Variants in TMEM178B observed in about 807,000 individuals in gnomAD.
TMEM178B encodes the protein transmembrane protein 178B.
TMEM178B carries 5 observed loss-of-function variants against 31.0 expected under a neutral mutation model. The observed-to-expected ratio is 0.16, with a 90% CI of 0.08 to 0.34. TMEM178B has a LOEUF of 0.34. Among genes scored for constraint, TMEM178B ranks in the 10% least tolerant of loss-of-function variants. TMEM178B has a pLI of 1.00. For missense variants in TMEM178B, 275 were observed against 400.3 expected (o/e 0.69, Z 2.67); for synonymous variants, 164 against 164.0 (o/e 1.00, Z 0.00).
chr7:141,393,943 C>T (rs1251891520), intron 2 of TMEM178B, among the ~76,000 whole-genome samples: 2 of 151,952 alleles, frequency 1.3e-5, no homozygotes, highest in African/African-American at 4.8e-5. Flanking sequence ...GGGACAGCTT[C>T]ATTCTTTGAT....
At chr7:141,100,619 A>G (rs184521879) in intron 1 of TMEM178B, among the ~76,000 whole-genome samples, 30 of 152,338 alleles carry the variant, frequency 2.0e-4, no homozygotes, top group Middle Eastern at 3.4e-3. Context: ...ATAGAAAGGC[A>G]TGCTTCATCA....
At chr7:141,481,910 G>A (rs1361761461), downstream of TMEM178B, among the ~76,000 whole-genome samples, 1 of 152,080 alleles carries the variant, frequency 6.6e-6, no homozygotes, top group Non-Finnish European at 1.5e-5. Context: ...GTAGGATGGG[G>A]AAGACGTTCT....
intron 2 of TMEM178B, among the ~76,000 whole-genome samples, chr7:141,296,607 G>C (rs217028): frequency 0.92 from 140,114 of 152,258 alleles, 64,483 homozygotes; most frequent in East Asian, 1. Context: ...GAGACCTAGG[G>C]TTCTGGCAGA....
At chr7:141,223,768 A>G (rs1454764661) in intron 2 of TMEM178B, among the ~76,000 whole-genome samples, 5 of 151,976 alleles carry the variant, frequency 3.3e-5, no homozygotes, top group African/African-American at 7.3e-5. Context: ...TTACAATTCA[A>G]CGTTCCAATC....
intron 1 of TMEM178B, among the ~76,000 whole-genome samples, chr7:141,175,994 G>A (rs1796427124): frequency 6.6e-6 from 1 of 152,160 alleles, no homozygotes; most frequent in South Asian, 2.1e-4. Flanking sequence ...CTAATACTAT[G>A]TTGAATAGGA....
the TMEM178B span, among the ~76,000 whole-genome samples, chr7:141,509,404 C>A: frequency 6.6e-6 from 1 of 152,150 alleles, no homozygotes; most frequent in Non-Finnish European, 1.5e-5. Flanking sequence ...AATCCCAGCA[C>A]TTTGGGAGGC....
chr7:141,089,765 A>G (rs984887231), intron 1 of TMEM178B, among the ~76,000 whole-genome samples: 2 of 152,154 alleles, frequency 1.3e-5, no homozygotes, highest in African/African-American at 4.8e-5. Flanking sequence ...CAAGGACAAA[A>G]AACCAAACAC....
At chr7:141,294,728 C>T (rs1364584520) in intron 2 of TMEM178B, among the ~76,000 whole-genome samples, 1 of 152,140 alleles carries the variant, frequency 6.6e-6, no homozygotes, top group African/African-American at 2.4e-5. Context: ...AGACCAGACT[C>T]CTTGAGAGAA....
chr7:141,424,004 G>A lies in TMEM178B; in HGVS notation c.497-13604G>A, dbSNP rs570864813. ...TTTTTTTTTTTGTATTTTTAGTAAAGATGTGGTTTCACCATGTTGGTCAGG... is the reference window on the plus strand; with the variant it reads ...TTTTTTTTTTTGTATTTTTAGTAAAAATGTGGTTTCACCATGTTGGTCAGG... On this transcript the variant is annotated intron_variant, in intron 2 of 3. Coordinates refer to ENST00000565468, the MANE Select transcript of TMEM178B (RefSeq NM_001195278.2). 4.0e-5 allele frequency among the ~76,000 whole-genome samples: 6 copies of A among 149,960 alleles called. No individual in the cohort carries two copies. The South Asian group carries it at 6.4e-4, about 16-fold the overall frequency.
At position 141,432,265 on chromosome 7, in the gene TMEM178B, C is replaced by T. The variant is rs1007490107; in HGVS notation, c.497-5343C>T. On this transcript the variant is annotated intron_variant, in intron 2 of 3. Transcript: ENST00000565468. The stretch of plus-strand genomic sequence containing the variant: ...CACCTCCTGGGTTCAAGCAATTCTC[C>T]CTGCCTCAGCCTCCCGAGTAGCTAT... 3.3e-5 allele frequency among the ~76,000 whole-genome samples: 5 copies of T among 149,888 alleles called. No individual in the cohort carries two copies. In the South Asian group the frequency reaches 1.1e-3, roughly 32 times the overall value.
chr7:141,488,967 GGGA>G, the TMEM178B span, among the ~76,000 whole-genome samples: 1,736 of 151,690 alleles, frequency 0.011, 24 homozygotes, highest in African/African-American at 0.037. Flanking sequence ...AGAAGGAGGA[GGGA>G]GGAGGAGGAG....
At chr7:141,507,222 C>G in the TMEM178B span, among the ~76,000 whole-genome samples, 1 of 152,208 alleles carries the variant, frequency 6.6e-6, no homozygotes, top group East Asian at 1.9e-4. Flanking sequence ...GGTGGTACCC[C>G]AGTAGCAACT....
Position 141,165,046 on chromosome 7 carries a change from G to A in TMEM178B, c.383-47545G>A, listed in dbSNP as rs889224259. 9.9e-5 allele frequency among the ~76,000 whole-genome samples: 15 copies of A among 152,186 alleles called. 1 individual carries two copies. Among genetic ancestry groups the A allele is most frequent in the Non-Finnish European group, 1.3e-4 (9 of 68,002 alleles). On this transcript the variant is annotated intron_variant, in intron 1 of 3. Transcript: ENST00000565468. ...TACAAAAATAGTACAGAGAGTTTCCGTGTATCCTTCCTTTAACTTTCCCTA... is the reference window on the plus strand; with the variant it reads ...TACAAAAATAGTACAGAGAGTTTCCATGTATCCTTCCTTTAACTTTCCCTA...
chr7:141,194,655 A>G (rs1796752856), intron 1 of TMEM178B, among the ~76,000 whole-genome samples: 1 of 152,056 alleles, frequency 6.6e-6, no homozygotes, highest in Non-Finnish European at 1.5e-5. Context: ...TGGATCTACT[A>G]TTCTGGGTTC....
At chr7:141,437,585 G>A in intron 2 of TMEM178B, 23 bp from the exon 3 acceptor site, 6 of 1,535,482 alleles carry the variant, frequency 3.9e-6, no homozygotes, top group Admixed American at 2.0e-5. Context: ...GCTGCTGACT[G>A]TTGCTCGCCT....
intron 2 of TMEM178B, among the ~76,000 whole-genome samples, chr7:141,332,516 A>G (rs1784815866): frequency 1.3e-5 from 2 of 152,172 alleles, no homozygotes; most frequent in Admixed American, 1.3e-4. Flanking sequence ...CTCTGTACAC[A>G]ACTCCCTTCA....
intron 1 of TMEM178B, among the ~76,000 whole-genome samples, chr7:141,123,815 T>G (rs1428142126): frequency 6.6e-6 from 1 of 152,116 alleles, no homozygotes; most frequent in African/African-American, 2.4e-5. Flanking sequence ...TGCAGTTGCA[T>G]GATCTAGGCT....
chr7:141,162,282 TC>T, intron 1 of TMEM178B, among the ~76,000 whole-genome samples: 1 of 152,334 alleles, frequency 6.6e-6, no homozygotes. Context: ...CTTGTTCCGC[TC>T]ATGTTTTACA....
At chr7:141,370,385 C>T (rs564743470) in intron 2 of TMEM178B, among the ~76,000 whole-genome samples, 2 of 152,252 alleles carry the variant, frequency 1.3e-5, no homozygotes, top group Admixed American at 1.3e-4. Flanking sequence ...GATGAACCAC[C>T]CTGGAACATT....
Sources: gnomAD v4.1 joint callset for allele counts (sites outside exome capture counted in the v4.1 genomes callset) on GRCh38, gnomAD v4.1.1 for gene constraint, MANE v1.5 for transcripts, NCBI Gene and HGNC (gene_info 2026-07-23, HGNC 2026-07-21) for gene names.